Variants in C12orf42 observed in about 807,000 individuals in gnomAD.
The protein encoded by C12orf42 is chromosome 12 open reading frame 42, also known as uncharacterized protein C12orf42.
In C12orf42, 25 loss-of-function variants were observed where a neutral mutation model predicts 21.6. The ratio of observed to expected loss-of-function variants is 1.16; its 90% CI spans 0.84 to 1.62. The LOEUF is 1.62. Ranked by LOEUF, C12orf42 falls within the 40% of genes most tolerant of loss-of-function variation. C12orf42 has a pLI of 0.00. For synonymous variants in C12orf42, 174 were observed against 175.0 expected, an observed-to-expected ratio of 0.99 and a Z score of 0.05; for missense variants, 483 against 459.3, an observed-to-expected ratio of 1.05 and a Z score of -0.47.
intron 2 of C12orf42, among the ~76,000 whole-genome samples, chr12:103,454,897 T>C (rs1263189279): frequency 6.6e-6 from 1 of 152,196 alleles, no homozygotes; most frequent in African/African-American, 2.4e-5. Context: ...CAGCATTATA[T>C]CTTACTAGGT....
At chr12:103,533,374 C>G in the C12orf42 span, among the ~76,000 whole-genome samples, 2 of 152,208 alleles carry the variant, frequency 1.3e-5, no homozygotes, top group East Asian at 3.9e-4. Context: ...TCAACAGCTA[C>G]TGTGGTCTTT....
the C12orf42 span, among the ~76,000 whole-genome samples, chr12:103,181,016 C>G: frequency 4.6e-5 from 7 of 152,004 alleles, no homozygotes; most frequent in African/African-American, 1.7e-4. Context: ...GTAATCCCAG[C>G]ACTTTGGGAA....
chr12:103,539,479 A>G, the C12orf42 span, among the ~76,000 whole-genome samples: 1 of 152,088 alleles, frequency 6.6e-6, no homozygotes, highest in Non-Finnish European at 1.5e-5. Context: ...GCCTCTTCCC[A>G]TCTGAAATAA....
rs1376424912 is a variant in C12orf42 at position 103,302,485 on chromosome 12, C to G, written c.706G>C (p.Gly236Arg). ...GGCTCGAGCTCTGTGTTACTCGGGC[C>G]GGTGCTCTGCAGAGCGCCGGGCGTC... Reference protein sequence around the residue: ...SQTPGALQSTGPSNTELEPEE... With the variant: ...SQTPGALQSTRPSNTELEPEE... The change falls in exon 6 of 6, where the codon GGC (glycine) becomes CGC (arginine). Residue 236 changes from glycine to arginine, a missense_variant. Transcript: ENST00000548883. The G allele has an allele frequency of 1.2e-6, 2 of 1,613,356 alleles. No individual in the cohort carries two copies. The highest frequency in any genetic ancestry group is 2.7e-5 in the African/African-American group (2 of 74,832).
the C12orf42 span, among the ~76,000 whole-genome samples, chr12:103,070,513 CAT>C: frequency 3.8e-5 from 4 of 106,212 alleles, no homozygotes; most frequent in East Asian, 3.8e-4. Context: ...CCTACATACA[CAT>C]ACACACACAC....
intron 3 of C12orf42, among the ~76,000 whole-genome samples, chr12:103,392,793 A>G (rs2047182083): frequency 6.6e-6 from 1 of 152,224 alleles, no homozygotes; most frequent in Non-Finnish European, 1.5e-5. Flanking sequence ...CTCATGAACT[A>G]GTAATACATG....
the C12orf42 span, among the ~76,000 whole-genome samples, chr12:103,092,781 C>G: frequency 2.0e-5 from 3 of 152,224 alleles, no homozygotes; most frequent in Admixed American, 6.5e-5. Context: ...GATTACTTCA[C>G]AGTCAAGGCT....
At chr12:103,469,905 G>A (rs377349441) in intron 2 of C12orf42, among the ~76,000 whole-genome samples, 9 of 152,114 alleles carry the variant, frequency 5.9e-5, no homozygotes, top group East Asian at 5.8e-4. Context: ...CAGTTTATGT[G>A]TACAAAAGTT....
chr12:103,219,052 C>A, the C12orf42 span, among the ~76,000 whole-genome samples: 1 of 152,084 alleles, frequency 6.6e-6, no homozygotes, highest in Non-Finnish European at 1.5e-5. Context: ...ACCTGGAATG[C>A]CAGGGAGACA....
chr12:103,253,796 G>T (rs2034422264), intron 10 of C12orf42, among the ~76,000 whole-genome samples: 1 of 151,006 alleles, frequency 6.6e-6, no homozygotes, highest in Non-Finnish European at 1.5e-5. Context: ...TCCTTAAGGT[G>T]ATAAACAACT....
At chr12:103,286,935 G>A (rs142051007) in intron 4 of C12orf42, among the ~76,000 whole-genome samples, 1,549 of 115,918 alleles carry the variant, frequency 0.013, 22 homozygotes, top group African/African-American at 0.058. Context: ...GCGAGACTCC[G>A]TCTCAAAAAA....
the C12orf42 span, among the ~76,000 whole-genome samples, chr12:103,542,571 C>T: frequency 6.6e-6 from 1 of 152,348 alleles, no homozygotes; most frequent in East Asian, 1.9e-4. Context: ...AGCATATGAA[C>T]AAGTGCATGT....
the C12orf42 span, among the ~76,000 whole-genome samples, chr12:103,166,859 C>T: frequency 6.6e-6 from 1 of 151,970 alleles, no homozygotes; most frequent in Non-Finnish European, 1.5e-5. Context: ...TTCTGCAATA[C>T]AAATAGCTCA....
At chr12:103,059,266 G>T in the C12orf42 span, among the ~76,000 whole-genome samples, 1 of 152,110 alleles carries the variant, frequency 6.6e-6, no homozygotes, top group Non-Finnish European at 1.5e-5. Context: ...ACTCTCCCAA[G>T]ACTGAACCAG....
the C12orf42 span, among the ~76,000 whole-genome samples, chr12:103,522,962 A>G: frequency 3.9e-5 from 6 of 152,220 alleles, no homozygotes; most frequent in African/African-American, 1.4e-4. Context: ...ATGGAAGGAG[A>G]CAGTGTCTAG....
chr12:103,405,812 G>C (rs2048384798), intron 2 of C12orf42, among the ~76,000 whole-genome samples: 1 of 152,190 alleles, frequency 6.6e-6, no homozygotes, highest in Non-Finnish European at 1.5e-5. Flanking sequence ...ATGTGGGGTA[G>C]TGTATTTCTT....
At chr12:103,390,069 C>G (rs35663013) in intron 3 of C12orf42, among the ~76,000 whole-genome samples, 25,327 of 152,040 alleles carry the variant, frequency 0.17, 2,352 homozygotes, top group African/African-American at 0.26. Flanking sequence ...TGATGTTATT[C>G]CACTGTTGCC....
At chr12:103,226,792 C>T in the C12orf42 span, among the ~76,000 whole-genome samples, 1 of 152,022 alleles carries the variant, frequency 6.6e-6, no homozygotes, top group Non-Finnish European at 1.5e-5. Context: ...TAGAAAGACT[C>T]AACGACGCTT....
At chr12:103,064,188 G>C in the C12orf42 span, among the ~76,000 whole-genome samples, 1 of 152,146 alleles carries the variant, frequency 6.6e-6, no homozygotes, top group African/African-American at 2.4e-5. Flanking sequence ...GATTTGTGAG[G>C]GCAGCACCTG....
Sources: allele counts gnomAD v4.1 joint callset (sites outside exome capture counted in the v4.1 genomes callset), GRCh38; gene constraint gnomAD v4.1.1; transcripts MANE v1.5; gene names NCBI Gene and HGNC (gene_info 2026-07-23, HGNC 2026-07-21).